The following ZNF600 variants were observed in gnomAD, a reference collection of about 807,000 sequenced individuals.
The protein encoded by ZNF600 is zinc finger protein 600.
ZNF600 carries 4 observed loss-of-function variants against 7.3 expected under a neutral mutation model. That is an observed-to-expected ratio of 0.55 (90% confidence interval 0.27 to 1.25). ZNF600 has a LOEUF of 1.25. Ranked by LOEUF, ZNF600 falls within the 50% of genes most tolerant of loss-of-function variation. The pLI is 0.12. For missense variants in ZNF600, 911 were observed against 922.1 expected, an observed-to-expected ratio of 0.99 and a Z score of 0.16; for synonymous variants, 290 against 308.9, an observed-to-expected ratio of 0.94 and a Z score of 0.64.
upstream of ZNF600, among the ~76,000 whole-genome samples, chr19:52,789,003 A>G (rs1259568839): frequency 6.6e-6 from 1 of 152,214 alleles, no homozygotes; most frequent in African/African-American, 2.4e-5. Flanking sequence ...TCCCACCAGG[A>G]TCCAGTGAAC....
chr19:52,794,449 A>G, the ZNF600 span, among the ~76,000 whole-genome samples: 1 of 152,144 alleles, frequency 6.6e-6, no homozygotes, highest in African/African-American at 2.4e-5. Flanking sequence ...AGCAGGAGAC[A>G]CTTCACCAAG....
chr19:52,809,063 TA>T, the ZNF600 span, among the ~76,000 whole-genome samples: 12 of 152,138 alleles, frequency 7.9e-5, no homozygotes, highest in African/African-American at 2.9e-4. Context: ...TATGAAGTTT[TA>T]AAAAATATAA....
chr19:52,800,003 C>T, the ZNF600 span: 1 of 1,614,094 alleles, frequency 6.2e-7, no homozygotes, highest in African/African-American at 1.3e-5. Flanking sequence ...GACGGAAGGT[C>T]TTGCCACACT....
At chr19:52,813,555 G>C in the ZNF600 span, among the ~76,000 whole-genome samples, 6 of 145,148 alleles carry the variant, frequency 4.1e-5, 1 homozygote, top group Non-Finnish European at 8.9e-5. Context: ...CCTTCCCTCC[G>C]TCTTCTCCTC....
chr19:52,811,062 GT>G, the ZNF600 span, among the ~76,000 whole-genome samples: 46 of 142,178 alleles, frequency 3.2e-4, no homozygotes, highest in Non-Finnish European at 2.3e-4. Context: ...ACTGGTTTTC[GT>G]TTTTTTTTTT....
intron 2 of ZNF600, among the ~76,000 whole-genome samples, chr19:52,778,304 G>C (rs1368964441): frequency 6.7e-6 from 1 of 150,054 alleles, no homozygotes; most frequent in Admixed American, 6.7e-5. Flanking sequence ...GTGAGCACCT[G>C]AACCAACATC....
chr19:52,772,826 C>T (rs1243456916), intron 3 of ZNF600, among the ~76,000 whole-genome samples: 4 of 152,052 alleles, frequency 2.6e-5, no homozygotes, highest in Non-Finnish European at 5.9e-5. Context: ...ACAGAAAATA[C>T]AAGGAGAACA....
the ZNF600 span, chr19:52,809,844 GGTGGTGGCA>G: frequency 1.7e-6 from 1 of 575,224 alleles, no homozygotes; most frequent in South Asian, 2.1e-5. Context: ...CGGCGGTGGC[GGTGGTGGCA>G]GTAGCACTGG....
chr19:52,777,791 T>C (rs2062688253), intron 2 of ZNF600, among the ~76,000 whole-genome samples: 1 of 152,078 alleles, frequency 6.6e-6, no homozygotes, highest in Non-Finnish European at 1.5e-5. Context: ...ATCATTCCAT[T>C]GCACTCCACC....
the ZNF600 span, among the ~76,000 whole-genome samples, chr19:52,795,113 T>C: frequency 6.6e-6 from 1 of 152,156 alleles, no homozygotes. Context: ...GGAACAAGGT[T>C]CCAGGTCAAT....
chr19:52,821,921 TAAAAA>T, the ZNF600 span, among the ~76,000 whole-genome samples: 23 of 108,090 alleles, frequency 2.1e-4, no homozygotes, highest in African/African-American at 7.2e-4. Flanking sequence ...AATAAAAAAA[TAAAAA>T]AATAATAAAA....
At chr19:52,779,692 C>T (rs112625852) in intron 1 of ZNF600, among the ~76,000 whole-genome samples, 6 of 152,262 alleles carry the variant, frequency 3.9e-5, no homozygotes, top group African/African-American at 1.4e-4. Context: ...CAAAGTCACC[C>T]CTCTGCTCCC....
the ZNF600 span, among the ~76,000 whole-genome samples, chr19:52,811,736 CAGCCGCCCCGTCCGGG>C: frequency 6.7e-6 from 1 of 148,794 alleles, no homozygotes; most frequent in African/African-American, 2.5e-5. Context: ...CTCCGCCCGG[CAGCCGCCCCGTCCGGG>C]AGGGAGGTCG....
At chr19:52,804,861 T>A in the ZNF600 span, among the ~76,000 whole-genome samples, 1 of 152,180 alleles carries the variant, frequency 6.6e-6, no homozygotes, top group Non-Finnish European at 1.5e-5. Flanking sequence ...AAAGAGCATC[T>A]CATCATCAAC....
exon 4 of ZNF600, chr19:52,765,454 G>A (rs1260428723): frequency 8.2e-6 from 11 of 1,338,502 alleles, no homozygotes; most frequent in African/African-American, 1.4e-5. Flanking sequence ...GTGTGTCAAT[G>A]AACTGCAATG....
the ZNF600 span, among the ~76,000 whole-genome samples, chr19:52,820,108 CTTTT>C: frequency 8.3e-6 from 1 of 120,322 alleles, no homozygotes; most frequent in Admixed American, 8.4e-5. Context: ...TATTTAACCT[CTTTT>C]TTTTTTTTTT....
chr19:52,812,541 CT>C, the ZNF600 span, among the ~76,000 whole-genome samples: 1 of 124,874 alleles, frequency 8.0e-6, no homozygotes, highest in Admixed American at 8.1e-5. Context: ...GCAAGATGTG[CT>C]TTGTTAAACA....
chr19:52,828,458 CTT>C, the ZNF600 span, among the ~76,000 whole-genome samples: 1 of 152,070 alleles, frequency 6.6e-6, no homozygotes, highest in East Asian at 1.9e-4. Flanking sequence ...CAGGGAGAGA[CTT>C]TCTCTCAAAA....
At chr19:52,778,753 G>A in intron 2 of ZNF600, 73 bp downstream of exon 4, 3 of 1,532,668 alleles carry the variant, frequency 2.0e-6, no homozygotes, top group Non-Finnish European at 2.6e-6. Flanking sequence ...ACTCAGAAAA[G>A]ACTGGCTGCT....
Sources: gnomAD v4.1 joint callset for allele counts (sites outside exome capture counted in the v4.1 genomes callset) on GRCh38, gnomAD v4.1.1 for gene constraint, MANE v1.5 for transcripts, NCBI Gene and HGNC (gene_info 2026-07-23, HGNC 2026-07-21) for gene names.